ANGPTL2: variants seen among roughly 807,000 people sequenced by gnomAD.
The protein encoded by ANGPTL2 is angiopoietin-related protein 2.
In ANGPTL2, 25 loss-of-function variants were observed where a neutral mutation model predicts 52.8. That is an observed-to-expected ratio of 0.47 (90% CI 0.35 to 0.66). The LOEUF (loss-of-function observed/expected upper bound fraction) is 0.66, where lower values mean the gene tolerates loss of function less well. ANGPTL2 is among the 30% of genes least tolerant of loss of function. ANGPTL2 has a pLI of 0.01. For missense variants in ANGPTL2, 546 were observed against 656.9 expected, an observed-to-expected ratio of 0.83 and a Z score of 1.84; for synonymous variants, 276 against 277.4, an observed-to-expected ratio of 1.00 and a Z score of 0.05.
At position 127,089,153 on chromosome 9, in the gene ANGPTL2, G is replaced by A. The variant is rs899951451; in HGVS notation, c.1283-15C>T. ...GGCACAGTTTCCTGCAAGAGAGAAG[G>A]CAGTGAGAGGGTGTCTGGGAGGAGG... On this transcript the variant is annotated splice_polypyrimidine_tract_variant and intron_variant, in intron 4 of 4. Coordinates refer to ENST00000373425, the MANE Select transcript of ANGPTL2 (RefSeq NM_012098.3). 2 of 1,613,780 alleles carry A rather than the reference G, an allele frequency of 1.2e-6. No homozygotes were observed. Among genetic ancestry groups the A allele is most frequent in the Admixed American group, 1.7e-5 (1 of 60,024 alleles).
intron 1 of ANGPTL2, among the ~76,000 whole-genome samples, chr9:127,118,418 A>G (rs1483269654): frequency 1.3e-5 from 2 of 152,250 alleles, no homozygotes; most frequent in Non-Finnish European, 2.9e-5. Flanking sequence ...GGGGTGTTTT[A>G]TATAAATTCA....
At chr9:127,121,899 TC>T (rs1432464991) in intron 1 of ANGPTL2, among the ~76,000 whole-genome samples, 2 of 152,134 alleles carry the variant, frequency 1.3e-5, no homozygotes, top group African/African-American at 4.8e-5. Context: ...GGCATAGGAA[TC>T]CAAAGCTTCA....
chr9:127,113,240 G>C (rs1421004104), intron 1 of ANGPTL2, among the ~76,000 whole-genome samples: 1 of 152,158 alleles, frequency 6.6e-6, no homozygotes. Flanking sequence ...GATTTGCCCA[G>C]GAACACACGG....
In ANGPTL2 at chr9:127,088,825, C is replaced by T. The variant is rs566437805; in HGVS notation, c.*114G>A. ...ACTTCGGAAAACAGAATCCAGCATC[C>T]CGGTCCTCCCAGCCTCAGGATGAAC... On this transcript the variant is annotated 3_prime_UTR_variant, in exon 5 of 5. Transcript: ENST00000373425. The T allele has an allele frequency of 6.0e-4, 751 of 1,243,474 alleles. 8 individuals are homozygous for T. In the South Asian group the frequency reaches 8.4e-3, roughly 14 times the overall value. 77.0% of individuals were successfully genotyped at this position (1,243,474 alleles called of 1,614,324 possible).
chr9:127,095,487 A>G (rs2053023410), intron 2 of ANGPTL2, among the ~76,000 whole-genome samples: 1 of 152,250 alleles, frequency 6.6e-6, no homozygotes, highest in African/African-American at 2.4e-5. Flanking sequence ...GTTTTCTATC[A>G]ATTTGTATGT....
At chr9:127,100,730 T>A (rs917331767) in intron 2 of ANGPTL2, among the ~76,000 whole-genome samples, 2 of 152,168 alleles carry the variant, frequency 1.3e-5, no homozygotes, top group Non-Finnish European at 2.9e-5. Context: ...GAAGAACTTA[T>A]CAGACCCATG....
rs369980602 is a variant in ANGPTL2, at chr9:127,091,944, G to T, written c.1012-4C>A. 304 of 1,613,488 alleles carry T rather than the reference G, an allele frequency of 1.9e-4. 4 individuals are homozygous for T. The Admixed American group carries it at 4.8e-3, about 25-fold the overall frequency. On this transcript the variant is annotated splice_region_variant and splice_polypyrimidine_tract_variant and intron_variant, in intron 3 of 4. Coordinates refer to ENST00000373425, the MANE Select transcript of ANGPTL2 (RefSeq NM_012098.3). The surrounding 1 kb of genome is among the most constrained non-coding windows in gnomAD (Gnocchi z 4.3). The stretch of plus-strand genomic sequence containing the variant: ...CGTCAATGTTCCCAAACCCTTGCTG[G>T]GGAAAACCCAGGAGAGTGTTAATGT...
In ANGPTL2 at chr9:127,088,889, C is replaced by T. The variant is rs768536442; in HGVS notation, c.*50G>A. On this transcript the variant is annotated 3_prime_UTR_variant, in exon 5 of 5. Coordinates refer to ENST00000373425, the MANE Select transcript of ANGPTL2 (RefSeq NM_012098.3). Reference sequence around the variant, plus strand: ...TTCTTTGTGCTGTGGCCAGCGTGACCAGGGTGGGCTCCTGGCAATGGCCAC... The same window carrying T: ...TTCTTTGTGCTGTGGCCAGCGTGACTAGGGTGGGCTCCTGGCAATGGCCAC... 13 of 1,607,948 alleles carry T rather than the reference C, an allele frequency of 8.1e-6. No individual in the cohort carries two copies. In the African/African-American group the frequency reaches 1.7e-4, roughly 21 times the overall value.
intron 2 of ANGPTL2, among the ~76,000 whole-genome samples, chr9:127,106,386 C>T (rs1162820608): frequency 6.6e-6 from 1 of 152,214 alleles, no homozygotes; most frequent in Non-Finnish European, 1.5e-5. Context: ...CTGTTTATTT[C>T]AGTCTCCTTG....
intron 4 of ANGPTL2, 40 bp from the exon 5 acceptor site, chr9:127,089,178 G>C (rs1455579021): frequency 6.2e-7 from 1 of 1,606,010 alleles, no homozygotes; most frequent in Admixed American, 1.7e-5. Context: ...CTGGGAGGAG[G>C]CCATTCTACT....
chr9:127,107,861 A>G (rs2054369560), intron 2 of ANGPTL2, 54 bp downstream of exon 2: 9 of 1,491,222 alleles, frequency 6.0e-6, no homozygotes, highest in Non-Finnish European at 8.1e-6. Context: ...AGCCAAGGGA[A>G]GCCTGGTGCC....
intron 2 of ANGPTL2, among the ~76,000 whole-genome samples, chr9:127,095,903 T>G (rs1268436220): frequency 2.0e-5 from 3 of 152,200 alleles, no homozygotes; most frequent in African/African-American, 7.2e-5. Flanking sequence ...GCAGGGGCTG[T>G]CTTGCTCATT....
At chr9:127,105,707 A>C (rs2054154238) in intron 2 of ANGPTL2, among the ~76,000 whole-genome samples, 1 of 152,202 alleles carries the variant, frequency 6.6e-6, no homozygotes, top group Non-Finnish European at 1.5e-5. Flanking sequence ...CCTCCCAGAG[A>C]AATCCATTGT....
chr9:127,108,501 C>G lies in ANGPTL2; in HGVS notation c.231G>C (p.Glu77Asp), dbSNP rs2054479534. 1.2e-6 allele frequency: 2 copies of G among 1,612,820 alleles called. No homozygotes were observed. Among genetic ancestry groups the G allele is most frequent in the Non-Finnish European group, 1.7e-6 (2 of 1,179,720 alleles). The part of the protein sequence containing the change: ...GAICVNSKEP[E>D]VLLENRVHKQ... The stretch of plus-strand genomic sequence containing the variant: ...TATGCACTCGGTTCTCCAGAAGCAC[C>G]TCAGGCTCCTTGGAGTTGACGCAGA... The change falls in exon 2 of 5, where the codon GAG (glutamate) becomes GAC (aspartate). Residue 77 changes from glutamate (E) to aspartate (D), a missense_variant. By Grantham distance (45) the Glu-to-Asp change is conservative. Around this residue, in one of 2 missense-constraint regions of ANGPTL2, gnomAD observed 285 missense variants for 295.8 expected, o/e 0.96. Transcript: ENST00000373425.
At chr9:127,095,698 T>C (rs1206162247) in intron 2 of ANGPTL2, among the ~76,000 whole-genome samples, 2 of 152,220 alleles carry the variant, frequency 1.3e-5, no homozygotes, top group African/African-American at 4.8e-5. Context: ...GTGACAGGTA[T>C]ACTCAGCTTT....
intron 2 of ANGPTL2, among the ~76,000 whole-genome samples, chr9:127,106,759 G>A (rs941785743): frequency 1.3e-5 from 2 of 152,160 alleles, no homozygotes; most frequent in Non-Finnish European, 2.9e-5. Flanking sequence ...CCTCTGCACT[G>A]GCCACCCTCC....
Position 127,091,671 on chromosome 9 carries a change from T to G in ANGPTL2, c.1281A>C (p.Thr427=). 6.2e-7 allele frequency: 1 copy of G among 1,612,958 alleles called. No homozygotes were observed. The highest frequency in any genetic ancestry group is 8.5e-7 in the Non-Finnish European group (1 of 1,179,434). ...TGGGTTTGACTCCACTTTTCCTACC[T>G]GTGTAGACATCATGATCTCTGTCCA... ...TTLDRDHDVY[T]GNCAHYQKGG... The change falls in exon 4 of 5, where the codon ACA becomes ACC. Residue 427 remains threonine, a splice_region_variant and synonymous_variant. Coordinates refer to ENST00000373425, the MANE Select transcript of ANGPTL2 (RefSeq NM_012098.3). This position sits in a 1 kb window ranked among gnomAD's most constrained non-coding sequence, Gnocchi z 4.3.
At chr9:127,119,280 G>A (rs1161536250) in intron 1 of ANGPTL2, among the ~76,000 whole-genome samples, 1 of 152,232 alleles carries the variant, frequency 6.6e-6, no homozygotes, top group Non-Finnish European at 1.5e-5. Context: ...TCCATGAAGA[G>A]CAAGGGATGC....
chr9:127,094,217 T>C (rs960101843), intron 2 of ANGPTL2, among the ~76,000 whole-genome samples: 1 of 152,170 alleles, frequency 6.6e-6, no homozygotes, highest in East Asian at 1.9e-4. Context: ...TTTCTTCTGA[T>C]TGTAGAAGGA....
Sources: allele counts gnomAD v4.1 joint callset (sites outside exome capture counted in the v4.1 genomes callset), GRCh38; gene constraint gnomAD v4.1.1; regional missense constraint gnomAD v4.1.1; non-coding constraint Gnocchi (gnomAD v3.1); transcripts MANE v1.5; gene names NCBI Gene and HGNC (gene_info 2026-07-23, HGNC 2026-07-21).